HNRNPA0: variants seen among roughly 807,000 people sequenced by gnomAD.
HNRNPA0 encodes heterogeneous nuclear ribonucleoprotein A0.
For missense variants in HNRNPA0, 252 were observed against 433.7 expected (o/e 0.58, Z 3.72); for synonymous variants, 243 against 195.5 (o/e 1.24, Z -2.03).
Position 137,754,340 on chromosome 5 carries a change from C to T in HNRNPA0, c.-274G>A, listed in dbSNP as rs923444744. On this transcript the variant is annotated 5_prime_UTR_variant, in exon 1 of 1. Transcript: ENST00000314940. ...CCGCCGCCGCCGCCACCTCCGCTCC[C>T]CTATCTGGGCACCACACAAAGAGGC... 2.1e-6 allele frequency: 1 copy of T among 482,408 alleles called. No individual in the cohort carries two copies. The highest frequency in any genetic ancestry group is 3.7e-5 in the Admixed American group (1 of 27,252). 29.9% of individuals were successfully genotyped at this position (482,408 alleles called of 1,614,324 possible). A position where few individuals can be genotyped will look rare whatever the true frequency, so the allele number is the denominator to read the frequency against.
rs1489010026 is a variant in HNRNPA0 at position 137,748,445 on chromosome 5, A to G, written c.*4704T>C. 2 of 152,180 alleles carry G rather than the reference A, an allele frequency of 1.3e-5. No homozygotes were observed. Among genetic ancestry groups the G allele is most frequent in the African/African-American group, 4.8e-5 (2 of 41,446 alleles). 9.4% of individuals were successfully genotyped at this position (152,180 alleles called of 1,614,324 possible). The stretch of plus-strand genomic sequence containing the variant: ...AAAGAGCAAAGCCTAAAGACCATGC[A>G]TATCTCGGGTACTAAGATATAAAAG... On this transcript the variant is annotated 3_prime_UTR_variant, in exon 1 of 1. Transcript: ENST00000314940.
At position 137,751,061 on chromosome 5, in the gene HNRNPA0, A is replaced by G. The variant is rs1363060596; in HGVS notation, c.*2088T>C. On this transcript the variant is annotated 3_prime_UTR_variant, in exon 1 of 1. Transcript: ENST00000314940. ...CAAATTACCAAATGAAGTAGCCCAC[A>G]TGTAATTTGTGTATCACTAGAATTA... The G allele has an allele frequency of 6.6e-6, 1 of 152,198 alleles. No homozygotes were observed. Among genetic ancestry groups the G allele is most frequent in the Non-Finnish European group, 1.5e-5 (1 of 68,022 alleles). 9.4% of individuals were successfully genotyped at this position (152,198 alleles called of 1,614,324 possible).
chr5:137,753,140 A>T lies in HNRNPA0; in HGVS notation c.*9T>A. On this transcript the variant is annotated 3_prime_UTR_variant, in exon 1 of 1. Transcript: ENST00000314940. The surrounding 1 kb of genome is among the most constrained non-coding windows in gnomAD (Gnocchi z 6.1). Reference sequence around the variant, plus strand: ...CCTATAGCCACTCCCAGGCATTTTAAATTTTCTTTTAGAAGGAGCTGCCTC... The same window carrying T: ...CCTATAGCCACTCCCAGGCATTTTATATTTTCTTTTAGAAGGAGCTGCCTC... 2.5e-6 allele frequency: 4 copies of T among 1,609,766 alleles called. No homozygotes were observed. The highest frequency in any genetic ancestry group is 3.4e-6 in the Non-Finnish European group (4 of 1,177,752).
In HNRNPA0 at chr5:137,753,860, G is replaced by C. The variant is rs1580803011; in HGVS notation, c.207C>G (p.Pro69=). ...CCACAGTGTTGCCGTCCACGGCATG[G>C]GGCGAGGCGGCCATGGCGGCGTCCG... ...EEADAAMAAS[P]HAVDGNTVEL... Residue 69 remains proline, a synonymous_variant, in exon 1 of 1, where the codon CCC becomes CCG. Transcript: ENST00000314940. The surrounding 1 kb of genome is among the most constrained non-coding windows in gnomAD (Gnocchi z 6.1). The C allele has an allele frequency of 1.2e-6, 2 of 1,613,100 alleles. No individual in the cohort carries two copies. The highest frequency in any genetic ancestry group is 1.3e-5 in the African/African-American group (1 of 75,076).
Position 137,751,785 on chromosome 5 carries a change from T to G in HNRNPA0, c.*1364A>C, listed in dbSNP as rs375628761. On this transcript the variant is annotated 3_prime_UTR_variant, in exon 1 of 1. Coordinates refer to ENST00000314940, the MANE Select transcript of HNRNPA0 (RefSeq NM_006805.4). ...ACAACTTGCACCTAAAATACCAGTATACGTAGCTGGTTCATTAGTTGTCAT... is the reference window on the plus strand; with the variant it reads ...ACAACTTGCACCTAAAATACCAGTAGACGTAGCTGGTTCATTAGTTGTCAT... 6.5e-6 allele frequency: 1 copy of G among 152,672 alleles called. No individual in the cohort carries two copies. The highest frequency in any genetic ancestry group is 2.4e-5 in the African/African-American group (1 of 41,460). 9.5% of individuals were successfully genotyped at this position (152,672 alleles called of 1,614,324 possible).
rs1436850235 is a variant in HNRNPA0 at position 137,753,635 on chromosome 5, C to T, written c.432G>A (p.Val144=). The change falls in exon 1 of 1, where the codon GTG becomes GTA. Residue 144 remains valine (V), a synonymous_variant. Coordinates refer to ENST00000314940, the MANE Select transcript of HNRNPA0 (RefSeq NM_006805.4). The surrounding 1 kb of genome is among the most constrained non-coding windows in gnomAD (Gnocchi z 6.1). The stretch of plus-strand genomic sequence containing the variant: ...CTGCCGCGTCGTGATTCTGGAAATA[C>T]ACGAAGCCGAATCCACGCTTCTTGC... ...QSGKKRGFGF[V]YFQNHDAADK... 6.2e-7 allele frequency: 1 copy of T among 1,614,190 alleles called. No individual in the cohort carries two copies. Among genetic ancestry groups the T allele is most frequent in the Admixed American group, 1.7e-5 (1 of 60,038 alleles).
In HNRNPA0 at chr5:137,748,679, A is replaced by T. The variant is rs1191433589; in HGVS notation, c.*4470T>A. ...AGTTTGTCCAAGGTCGCAGTGCTAG[A>T]AAGTGACTGTGTCAGGAACAGAATT... On this transcript the variant is annotated 3_prime_UTR_variant, in exon 1 of 1. Coordinates refer to ENST00000314940, the MANE Select transcript of HNRNPA0 (RefSeq NM_006805.4). The T allele has an allele frequency of 6.6e-6, 1 of 152,178 alleles. No individual in the cohort carries two copies. The highest frequency in any genetic ancestry group is 1.5e-5 in the Non-Finnish European group (1 of 68,018). 9.4% of individuals were successfully genotyped at this position (152,178 alleles called of 1,614,324 possible). A position where few individuals can be genotyped will look rare whatever the true frequency, so the allele number is the denominator to read the frequency against.
chr5:137,753,006 G>T lies in HNRNPA0; in HGVS notation c.*143C>A. The T allele has an allele frequency of 1.2e-6, 1 of 811,882 alleles. No individual in the cohort carries two copies. Among genetic ancestry groups the T allele is most frequent in the Non-Finnish European group, 1.9e-6 (1 of 525,472 alleles). The allele number at this position is 811,882 out of a possible 1,614,324, so 50.3% of individuals were successfully genotyped here. ...GGCAAATAGAGGAACACCCCCAAGGGTAAGCAGCCTTAGAAGTGGCTCCCC... is the reference window on the plus strand; with the variant it reads ...GGCAAATAGAGGAACACCCCCAAGGTTAAGCAGCCTTAGAAGTGGCTCCCC... On this transcript the variant is annotated 3_prime_UTR_variant, in exon 1 of 1. Coordinates refer to ENST00000314940, the MANE Select transcript of HNRNPA0 (RefSeq NM_006805.4). The surrounding 1 kb of genome is among the most constrained non-coding windows in gnomAD (Gnocchi z 6.1).
rs1753530041 is a variant in HNRNPA0 at position 137,752,945 on chromosome 5, A to T, written c.*204T>A. On this transcript the variant is annotated 3_prime_UTR_variant, in exon 1 of 1. Transcript: ENST00000314940. The stretch of plus-strand genomic sequence containing the variant: ...ACACAAAAATGTGTATGTGGGGCCG[A>T]GTCCATCTTCAGAGGGAGAGACAAG... 4 of 530,674 alleles carry T rather than the reference A, an allele frequency of 7.5e-6. No homozygotes were observed. The South Asian group carries it at 1.3e-4, about 18-fold the overall frequency. 32.9% of individuals were successfully genotyped at this position (530,674 alleles called of 1,614,324 possible). A position where few individuals can be genotyped will look rare whatever the true frequency, so the allele number is the denominator to read the frequency against.
In HNRNPA0 at chr5:137,753,202, G is replaced by A. The variant is rs1753538126; in HGVS notation, c.865C>T (p.Pro289Ser). 3 of 1,613,548 alleles carry A rather than the reference G, an allele frequency of 1.9e-6. No individual in the cohort carries two copies. The highest frequency in any genetic ancestry group is 1.3e-5 in the African/African-American group (1 of 74,806). The change falls in exon 1 of 1, where the codon CCT becomes TCT. Residue 289 changes from proline (P) to serine (S), a missense_variant. Transcript: ENST00000314940. This position sits in a 1 kb window ranked among gnomAD's most constrained non-coding sequence, Gnocchi z 6.1. The stretch of plus-strand genomic sequence containing the variant: ...CCACCGCCATAGCCGCCTCTGTAAG[G>A]TCCACTATTACTGCGACCGCCCCAG... ...SSWGGRSNSG[P>S]YRGGYGGGGG...
chr5:137,753,380 G>GCCGCCT lies in HNRNPA0; in HGVS notation c.681_686dup (p.Gly229_Gly230dup). The GCCGCCT allele has an allele frequency of 4.5e-6, 7 of 1,545,968 alleles. No homozygotes were observed. The highest frequency in any genetic ancestry group is 5.2e-6 in the Non-Finnish European group (6 of 1,145,666). On this transcript the variant is annotated inframe_insertion, in exon 1 of 1. Coordinates refer to ENST00000314940, the MANE Select transcript of HNRNPA0 (RefSeq NM_006805.4). The surrounding 1 kb of genome is among the most constrained non-coding windows in gnomAD (Gnocchi z 6.1). Reference sequence around the variant, plus strand: ...CGCCGCCTCCGTAGGCATTGTAGCCGCCGCCTCCGCCGCCGCCGTAACCAC... The same window carrying GCCGCCT: ...CGCCGCCTCCGTAGGCATTGTAGCCGCCGCCTCCGCCTCCGCCGCCGCCGTAACCAC...
chr5:137,754,053 T>C lies in HNRNPA0; in HGVS notation c.14A>G (p.Gln5Arg). The C allele has an allele frequency of 6.2e-7, 1 of 1,611,500 alleles. No individual in the cohort carries two copies. The highest frequency in any genetic ancestry group is 8.5e-7 in the Non-Finnish European group (1 of 1,178,366). ...GCCGCCGATGAACAGCTTACACAAC[T>C]GAGAATTCTCCATCTCCAAGGCCCG... MENSQLCKLFIGGLN... is the reference protein window; with the variant it reads MENSRLCKLFIGGLN... The change falls in exon 1 of 1, where the codon CAG becomes CGG. Residue 5 changes from glutamine to arginine, a missense_variant. Gln to Arg is a conservative substitution (Grantham distance 43). Transcript: ENST00000314940.
chr5:137,747,919 T>A lies in HNRNPA0; in HGVS notation c.*5230A>T, dbSNP rs1417429205. The A allele has an allele frequency of 6.6e-6, 1 of 152,184 alleles. No individual in the cohort carries two copies. Among genetic ancestry groups the A allele is most frequent in the African/African-American group, 2.4e-5 (1 of 41,442 alleles). The allele number at this position is 152,184 out of a possible 1,614,324, so 9.4% of individuals were successfully genotyped here. A position where few individuals can be genotyped will look rare whatever the true frequency, so the allele number is the denominator to read the frequency against. ...TAGACATTTGTTAGCTGGAAGTCAA[T>A]GAAGCTTAGTAGAAGGAGCGAAACA... On this transcript the variant is annotated 3_prime_UTR_variant, in exon 1 of 1. Coordinates refer to ENST00000314940, the MANE Select transcript of HNRNPA0 (RefSeq NM_006805.4).
Position 137,754,173 on chromosome 5 carries a change from G to A in HNRNPA0, c.-107C>T. On this transcript the variant is annotated 5_prime_UTR_variant, in exon 1 of 1. Coordinates refer to ENST00000314940, the MANE Select transcript of HNRNPA0 (RefSeq NM_006805.4). ...CACAGCTTGGGCCCAGCCGTTGCTGGAGCCACCCCCGCCGCTCACCGACGG... is the reference window on the plus strand; with the variant it reads ...CACAGCTTGGGCCCAGCCGTTGCTGAAGCCACCCCCGCCGCTCACCGACGG... 7.2e-7 allele frequency: 1 copy of A among 1,395,312 alleles called. No individual in the cohort carries two copies. The highest frequency in any genetic ancestry group is 9.5e-7 in the Non-Finnish European group (1 of 1,051,054). The allele number at this position is 1,395,312 out of a possible 1,614,324, so 86.4% of individuals were successfully genotyped here.
rs1441980721 is a variant in HNRNPA0 at position 137,752,897 on chromosome 5, AAT to A, written c.*250_*251del. 4 of 413,910 alleles carry A rather than the reference AAT, an allele frequency of 9.7e-6. No homozygotes were observed. The highest frequency in any genetic ancestry group is 4.1e-5 in the African/African-American group (2 of 48,928). 25.6% of individuals were successfully genotyped at this position (413,910 alleles called of 1,614,324 possible). A position where few individuals can be genotyped will look rare whatever the true frequency, so the allele number is the denominator to read the frequency against. ...ACCAAGGTCCAAGTAATAATAAAAA[AAT>A]AGAGTCCATCAATGACTGTAACACA... On this transcript the variant is annotated 3_prime_UTR_variant, in exon 1 of 1. Coordinates refer to ENST00000314940, the MANE Select transcript of HNRNPA0 (RefSeq NM_006805.4).
In HNRNPA0 at chr5:137,752,925, A is replaced by C. The variant is rs1030689541; in HGVS notation, c.*224T>G. On this transcript the variant is annotated 3_prime_UTR_variant, in exon 1 of 1. Transcript: ENST00000314940. ...AGAGTCCATCAATGACTGTAACACA[A>C]AAATGTGTATGTGGGGCCGAGTCCA... 1 of 491,582 alleles carries C rather than the reference A, an allele frequency of 2.0e-6. No individual in the cohort carries two copies. Among genetic ancestry groups the C allele is most frequent in the East Asian group, 3.0e-5 (1 of 33,184 alleles). 30.5% of individuals were successfully genotyped at this position (491,582 alleles called of 1,614,324 possible).
In HNRNPA0 at chr5:137,753,120, A is replaced by T; in HGVS notation, c.*29T>A. 6.3e-7 allele frequency: 1 copy of T among 1,594,474 alleles called. No homozygotes were observed. The highest frequency in any genetic ancestry group is 2.2e-5 in the East Asian group (1 of 44,756). ...GGCTGTTGGAAAGAGCTACCCCTAT[A>T]GCCACTCCCAGGCATTTTAAATTTT... On this transcript the variant is annotated 3_prime_UTR_variant, in exon 1 of 1. Transcript: ENST00000314940. The surrounding 1 kb of genome is among the most constrained non-coding windows in gnomAD (Gnocchi z 6.1).
At position 137,747,836 on chromosome 5, in the gene HNRNPA0, G is replaced by A. The variant is rs747700159; in HGVS notation, c.*5313C>T. ...ACTACTCAAAGACCTCAGTAACCTGGTTCCAACTTCATTTTCTCAATTTAT... is the reference window on the plus strand; with the variant it reads ...ACTACTCAAAGACCTCAGTAACCTGATTCCAACTTCATTTTCTCAATTTAT... On this transcript the variant is annotated 3_prime_UTR_variant, in exon 1 of 1. Coordinates refer to ENST00000314940, the MANE Select transcript of HNRNPA0 (RefSeq NM_006805.4). 2.6e-5 allele frequency: 4 copies of A among 152,130 alleles called. No homozygotes were observed. The highest frequency in any genetic ancestry group is 5.9e-5 in the Non-Finnish European group (4 of 68,006). 9.4% of individuals were successfully genotyped at this position (152,130 alleles called of 1,614,324 possible).
In HNRNPA0 at chr5:137,753,368, G is replaced by A. The variant is rs759097331; in HGVS notation, c.699C>T (p.Ala233=). ...YGGGGGGGYN[A]YGGGGGGSSY... is the part of the protein sequence containing the mutation. ...ACGAACCGCCGCCGCCGCCTCCGTA[G>A]GCATTGTAGCCGCCGCCTCCGCCGC... is the stretch of plus-strand genomic sequence containing the variant. The change falls in exon 1 of 1, where the codon GCC becomes GCT. Residue 233 remains alanine (A), a synonymous_variant. Transcript: ENST00000314940. This position sits in a 1 kb window ranked among gnomAD's most constrained non-coding sequence, Gnocchi z 6.1. 7.2e-5 allele frequency: 111 copies of A among 1,548,816 alleles called. 3 individuals are homozygous for A. In the South Asian group the frequency reaches 1.0e-3, roughly 15 times the overall value.
Sources: allele counts gnomAD v4.1 joint callset, GRCh38; gene constraint gnomAD v4.1.1; non-coding constraint Gnocchi (gnomAD v3.1); transcripts MANE v1.5; gene names NCBI Gene and HGNC (gene_info 2026-07-23, HGNC 2026-07-21).